RGS6: variants seen among roughly 807,000 people sequenced by gnomAD.
RGS6 encodes the protein regulator of G-protein signaling 6.
In RGS6, 30 loss-of-function variants were observed where a neutral mutation model predicts 78.5. The ratio of observed to expected loss-of-function variants is 0.38; its 90% CI spans 0.29 to 0.52. The LOEUF (loss-of-function observed/expected upper bound fraction) is 0.52, where lower values mean the gene tolerates loss of function less well. RGS6 is among the 20% of genes least tolerant of loss of function. RGS6 has a pLI of 0.85. For missense variants in RGS6, 495 were observed against 609.7 expected, an observed-to-expected ratio of 0.81 and a Z score of 1.98; for synonymous variants, 206 against 206.0, an observed-to-expected ratio of 1.00 and a Z score of 0.00.
intron 3 of RGS6, among the ~76,000 whole-genome samples, chr14:72,403,847 A>G (rs1461141628): frequency 6.6e-6 from 1 of 152,220 alleles, no homozygotes; most frequent in Admixed American, 6.5e-5. Context: ...GCCTAAATGA[A>G]TCTTACCTGA....
intron 2 of RGS6, among the ~76,000 whole-genome samples, chr14:72,309,281 C>A (rs1368889719): frequency 6.6e-6 from 1 of 152,192 alleles, no homozygotes; most frequent in South Asian, 2.1e-4. Flanking sequence ...TTTCTTGCCA[C>A]CTTGTTACAA....
intron 2 of RGS6, among the ~76,000 whole-genome samples, chr14:72,055,120 G>T (rs1273929404): frequency 1.3e-5 from 2 of 152,160 alleles, no homozygotes; most frequent in East Asian, 3.9e-4. Flanking sequence ...ATGTGCCGAG[G>T]TTTCCCTTGT....
At position 72,052,967 on chromosome 14, in the gene RGS6, TTCTTTCTTTCTTTCTTTCTCTC is replaced by T. The variant is rs1465359380; in HGVS notation, c.84+88096_84+88117del. Among the ~76,000 whole-genome samples the T allele has an allele frequency of 4.7e-3, 216 of 45,480 alleles. 1 individual carries two copies. The highest frequency in any genetic ancestry group is 0.023 in the African/African-American group (144 of 6,184). 29.8% of individuals were successfully genotyped at this position (45,480 alleles called of 152,430 possible). A position where few individuals can be genotyped will look rare whatever the true frequency, so the allele number is the denominator to read the frequency against. On this transcript the variant is annotated intron_variant, in intron 2 of 17. Coordinates refer to ENST00000553525, the MANE Select transcript of RGS6 (RefSeq NM_001204424.2). Reference sequence around the variant, plus strand: ...TTTCTTTCTTTCTTTCTTTCTTTCTTTCTTTCTTTCTTTCTTTCTCTCTCTCTCTCTCTCTCTCTTTCTTTCC... The same window carrying T: ...TTTCTTTCTTTCTTTCTTTCTTTCTTTCTCTCTCTCTCTCTCTTTCTTTCC...
At chr14:72,357,083 C>T (rs1235045059) in intron 3 of RGS6, among the ~76,000 whole-genome samples, 1 of 151,968 alleles carries the variant, frequency 6.6e-6, no homozygotes, top group Non-Finnish European at 1.5e-5. Context: ...CCAGCCTGGC[C>T]AACATGGTGA....
the RGS6 span, among the ~76,000 whole-genome samples, chr14:72,571,740 G>A: frequency 1.3e-5 from 2 of 152,224 alleles, no homozygotes; most frequent in African/African-American, 2.4e-5. Context: ...AAATCTTCAC[G>A]ATCTTGGATT....
intron 3 of RGS6, among the ~76,000 whole-genome samples, chr14:72,398,103 T>C (rs558743180): frequency 4.4e-4 from 67 of 152,280 alleles, no homozygotes; most frequent in African/African-American, 1.3e-3. Flanking sequence ...TTTCTATTGA[T>C]TGGAATAGTT....
chr14:72,458,512 G>C lies in RGS6; in HGVS notation c.342+135G>C, dbSNP rs570492993. 44 of 679,348 alleles carry C rather than the reference G, an allele frequency of 6.5e-5. No individual in the cohort carries two copies. In the African/African-American group the frequency reaches 7.7e-4, roughly 12 times the overall value. The allele number at this position is 679,348 out of a possible 1,614,324, so 42.1% of individuals were successfully genotyped here. ...TCCTCATCAGCACTGGGAAAGCCAAGAGAACTTTTCTCTGGGCCACTGGGT... is the reference window on the plus strand; with the variant it reads ...TCCTCATCAGCACTGGGAAAGCCAACAGAACTTTTCTCTGGGCCACTGGGT... On this transcript the variant is annotated intron_variant, in intron 5 of 17. Coordinates refer to ENST00000553525, the MANE Select transcript of RGS6 (RefSeq NM_001204424.2).
intron 2 of RGS6, among the ~76,000 whole-genome samples, chr14:72,157,835 C>CT (rs978287821): frequency 1.2e-4 from 18 of 151,536 alleles, no homozygotes; most frequent in South Asian, 4.2e-4. Context: ...TTTGTTCATT[C>CT]TTTTTTTTTC....
rs753715305 is a variant in RGS6 at position 72,352,210 on chromosome 14, C to A, written c.184+16C>A. 7.6e-6 allele frequency: 12 copies of A among 1,588,404 alleles called. No individual in the cohort carries two copies. Among genetic ancestry groups the A allele is most frequent in the Admixed American group, 3.4e-5 (2 of 59,566 alleles). On this transcript the variant is annotated intron_variant, in intron 3 of 17. Transcript: ENST00000553525. The stretch of plus-strand genomic sequence containing the variant: ...GTCGTCACAGGTAACACCCTCCTTG[C>A]AAGGTGTTGGTAACAGTCAGAACTA...
At chr14:71,889,549 G>T in the RGS6 span, among the ~76,000 whole-genome samples, 2 of 152,112 alleles carry the variant, frequency 1.3e-5, no homozygotes, top group Non-Finnish European at 2.9e-5. Flanking sequence ...CCTTAATAAG[G>T]ACACTTCACT....
intron 2 of RGS6, among the ~76,000 whole-genome samples, chr14:71,984,298 TAAA>T (rs59180817): frequency 0.08 from 9,543 of 119,734 alleles, 497 homozygotes; most frequent in African/African-American, 0.19. Context: ...TGAATTATGT[TAAA>T]AAAAAAAAAA....
At chr14:72,142,776 C>T (rs2096557845) in intron 2 of RGS6, among the ~76,000 whole-genome samples, 2 of 152,152 alleles carry the variant, frequency 1.3e-5, no homozygotes. Flanking sequence ...TTTGTTTACA[C>T]AGGTGAGGCT....
intron 2 of RGS6, among the ~76,000 whole-genome samples, chr14:72,087,136 TG>T (rs1336422860): frequency 4.6e-5 from 7 of 152,196 alleles, no homozygotes; most frequent in Admixed American, 2.0e-4. Flanking sequence ...TACATTATTA[TG>T]ATTATTATTT....
At chr14:72,131,801 T>C (rs1251842712) in intron 2 of RGS6, among the ~76,000 whole-genome samples, 1 of 152,244 alleles carries the variant, frequency 6.6e-6, no homozygotes, top group African/African-American at 2.4e-5. Context: ...TTTCTCAATA[T>C]ACATTAAAGA....
At chr14:72,018,956 T>A (rs1031884653) in intron 2 of RGS6, among the ~76,000 whole-genome samples, 1 of 152,196 alleles carries the variant, frequency 6.6e-6, no homozygotes. Context: ...AGTGTGAATG[T>A]GTGTCTTCTC....
At chr14:72,515,064 G>C (rs2096923841) in intron 14 of RGS6, among the ~76,000 whole-genome samples, 1 of 152,218 alleles carries the variant, frequency 6.6e-6, no homozygotes, top group East Asian at 1.9e-4. Context: ...ACACATACGG[G>C]ATGTCAGGAT....
chr14:72,272,071 T>A (rs1454415550), intron 2 of RGS6, among the ~76,000 whole-genome samples: 1 of 152,208 alleles, frequency 6.6e-6, no homozygotes, highest in Non-Finnish European at 1.5e-5. Flanking sequence ...TTTTGCCATG[T>A]AGCTGAACAT....
chr14:72,513,152 T>C (rs1174078190), intron 14 of RGS6, among the ~76,000 whole-genome samples: 2 of 152,218 alleles, frequency 1.3e-5, no homozygotes, highest in Non-Finnish European at 2.9e-5. Context: ...CCTCCTGTGC[T>C]CCCTCTCATC....
At chr14:72,516,377 A>G (rs1169819184) in intron 14 of RGS6, among the ~76,000 whole-genome samples, 1 of 152,198 alleles carries the variant, frequency 6.6e-6, no homozygotes, top group East Asian at 1.9e-4. Context: ...TCAAGGGCCC[A>G]CCTGAACAAT....
Sources: allele counts gnomAD v4.1 joint callset (sites outside exome capture counted in the v4.1 genomes callset), GRCh38; gene constraint gnomAD v4.1.1; transcripts MANE v1.5; gene names NCBI Gene and HGNC (gene_info 2026-07-23, HGNC 2026-07-21).